The following ULK4 variants were observed in gnomAD, a reference collection of about 807,000 sequenced individuals.
ULK4 encodes inactive serine/threonine-protein kinase ULK4.
Under a neutral mutation model 160.6 loss-of-function variants are expected in ULK4, and 133 were observed. The observed-to-expected ratio is 0.83, with a 90% CI of 0.72 to 0.96. The LOEUF (loss-of-function observed/expected upper bound fraction) is 0.96. Ranked by LOEUF, ULK4 falls within the 40% of genes least tolerant of loss-of-function variation. The probability of loss-of-function intolerance (pLI) is 0.00; values close to 1 mark genes in which losing one functional copy is unlikely to be tolerated. For missense variants in ULK4, 1,580 were observed against 1,499.5 expected (o/e 1.05, Z -0.89); for synonymous variants, 534 against 539.8 (o/e 0.99, Z 0.15).
intron 12 of ULK4, among the ~76,000 whole-genome samples, chr3:41,903,046 G>A (rs1698429902): frequency 6.6e-6 from 1 of 152,132 alleles, no homozygotes; most frequent in African/African-American, 2.4e-5. Context: ...TGCAAAGCCT[G>A]GATGGAAAGG....
chr3:41,454,603 A>G (rs1201437843), intron 34 of ULK4, among the ~76,000 whole-genome samples: 2 of 152,078 alleles, frequency 1.3e-5, no homozygotes, highest in African/African-American at 4.8e-5. Flanking sequence ...TGGCAAAAAT[A>G]TAAAGTTAAA....
chr3:41,394,471 T>C (rs1246262124), intron 35 of ULK4, among the ~76,000 whole-genome samples: 1 of 152,126 alleles, frequency 6.6e-6, no homozygotes, highest in Admixed American at 6.6e-5. Flanking sequence ...CAGCATACCT[T>C]AAATGTGCTC....
chr3:41,315,667 G>A (rs1225413651), intron 35 of ULK4, among the ~76,000 whole-genome samples: 1 of 152,108 alleles, frequency 6.6e-6, no homozygotes, highest in African/African-American at 2.4e-5. Flanking sequence ...ACTCTAGGCT[G>A]GTGTAGCCAA....
chr3:41,689,534 C>T (rs2036211924), intron 27 of ULK4, among the ~76,000 whole-genome samples: 1 of 152,082 alleles, frequency 6.6e-6, no homozygotes, highest in Non-Finnish European at 1.5e-5. Context: ...TTTTCGCAAC[C>T]TACTCATCTG....
intron 17 of ULK4, among the ~76,000 whole-genome samples, chr3:41,849,962 TC>T (rs982691305): frequency 9.2e-5 from 14 of 152,034 alleles, no homozygotes; most frequent in Non-Finnish European, 4.4e-5. Flanking sequence ...TCCCTTCCCC[TC>T]CCCGCACCCC....
At chr3:41,780,287 G>A (rs1456918375) in intron 21 of ULK4, among the ~76,000 whole-genome samples, 2 of 152,048 alleles carry the variant, frequency 1.3e-5, no homozygotes, top group Non-Finnish European at 2.9e-5. Context: ...CAGCCTCGGA[G>A]AAAGAGACCC....
chr3:41,880,666 T>C (rs1697484630), intron 17 of ULK4, among the ~76,000 whole-genome samples: 1 of 152,312 alleles, frequency 6.6e-6, no homozygotes, highest in South Asian at 2.1e-4. Flanking sequence ...CTCATGCCTG[T>C]AATCCCAATA....
chr3:41,469,647 G>C (rs1157398067), intron 32 of ULK4, among the ~76,000 whole-genome samples: 1 of 53,294 alleles, frequency 1.9e-5, no homozygotes, highest in Non-Finnish European at 4.1e-5. Context: ...AGCCTAAAAA[G>C]ATGGCTATCT....
intron 31 of ULK4, among the ~76,000 whole-genome samples, chr3:41,596,428 G>C (rs2031695380): frequency 6.6e-6 from 1 of 152,178 alleles, no homozygotes; most frequent in East Asian, 1.9e-4. Flanking sequence ...AAGATACAGG[G>C]AAGGGGTCAA....
rs546911912 is a variant in ULK4, at chr3:41,742,735, A to G, written c.2321+11626T>C. On this transcript the variant is annotated intron_variant, in intron 22 of 36. Coordinates refer to ENST00000301831, the MANE Select transcript of ULK4 (RefSeq NM_017886.4). ...AGCATTACAAATTCTCTTAAAACTA[A>G]TGAAATTGTTTAAAATCTCAGATAA... Among the ~76,000 whole-genome samples, 4 of 152,136 alleles carry G rather than the reference A, an allele frequency of 2.6e-5. 1 individual carries two copies. The highest frequency in any genetic ancestry group is 9.7e-5 in the African/African-American group (4 of 41,398).
intron 30 of ULK4, 63 bp downstream of exon 30, chr3:41,663,544 C>A: frequency 7.0e-7 from 1 of 1,431,452 alleles, no homozygotes; most frequent in South Asian, 1.2e-5. Flanking sequence ...ATAACATTTT[C>A]ACAACACATA....
At chr3:41,839,932 CTAAA>C (rs2041863033) in intron 17 of ULK4, among the ~76,000 whole-genome samples, 1 of 152,080 alleles carries the variant, frequency 6.6e-6, no homozygotes, top group Admixed American at 6.6e-5. Context: ...CAAAGAACAT[CTAAA>C]TAAATGGAGT....
chr3:41,568,804 C>G (rs1795345), intron 31 of ULK4, among the ~76,000 whole-genome samples: 85,173 of 151,970 alleles, frequency 0.56, 26,591 homozygotes, highest in Admixed American at 0.7. Flanking sequence ...CAAAATCTAC[C>G]GGGAAACAGT....
chr3:41,344,921 A>G (rs554171986), intron 35 of ULK4, among the ~76,000 whole-genome samples: 2 of 152,250 alleles, frequency 1.3e-5, no homozygotes, highest in East Asian at 3.9e-4. Context: ...GTCTACAAGG[A>G]ACTTGAGTTT....
chr3:41,431,546 C>CTTTTTTTTTTTTTTTTTTTTTT (rs2082908369), intron 34 of ULK4, among the ~76,000 whole-genome samples: 1 of 54,082 alleles, frequency 1.8e-5, no homozygotes, highest in Non-Finnish European at 3.3e-5. Flanking sequence ...TAATTCCCTC[C>CTTTTTTTTTTTTTTTTTTTTTT]CTTTTTTTTT....
intron 35 of ULK4, among the ~76,000 whole-genome samples, chr3:41,392,924 C>T (rs528386944): frequency 6.6e-6 from 1 of 152,280 alleles, no homozygotes; most frequent in Non-Finnish European, 1.5e-5. Context: ...CCCAAAGTCA[C>T]AGGAAACTTC....
intron 31 of ULK4, among the ~76,000 whole-genome samples, chr3:41,601,854 T>C (rs2032086960): frequency 1.3e-5 from 2 of 152,138 alleles, no homozygotes; most frequent in Admixed American, 1.3e-4. Flanking sequence ...TATAATGTGG[T>C]GTTCTGGATG....
At chr3:41,600,246 T>C (rs573822685) in intron 31 of ULK4, among the ~76,000 whole-genome samples, 1 of 152,290 alleles carries the variant, frequency 6.6e-6, no homozygotes, top group East Asian at 1.9e-4. Context: ...GTGTCTAATA[T>C]TGACAGTCAG....
intron 5 of ULK4, among the ~76,000 whole-genome samples, chr3:41,925,637 A>T (rs1699357656): frequency 6.6e-6 from 1 of 152,104 alleles, no homozygotes; most frequent in East Asian, 1.9e-4. Context: ...GGAGCCCAGC[A>T]AGCTAAGATC....
Sources: allele counts gnomAD v4.1 joint callset (sites outside exome capture counted in the v4.1 genomes callset), GRCh38; gene constraint gnomAD v4.1.1; transcripts MANE v1.5; gene names NCBI Gene and HGNC (gene_info 2026-07-23, HGNC 2026-07-21).